EFL1: variants seen among roughly 807,000 people sequenced by gnomAD.
EFL1 encodes the protein elongation factor like GTPase 1.
Under a neutral mutation model 126.7 loss-of-function variants are expected in EFL1, and 76 were observed. That is an observed-to-expected ratio of 0.60 (90% confidence interval 0.50 to 0.73). The LOEUF (loss-of-function observed/expected upper bound fraction) is 0.73, where lower values mean the gene tolerates loss of function less well. Among genes scored for constraint, EFL1 ranks in the 30% least tolerant of loss-of-function variants. The pLI is 0.00. For synonymous variants in EFL1, 410 were observed against 448.4 expected (o/e 0.91, Z 1.08); for missense variants, 1,128 against 1,343.2 (o/e 0.84, Z 2.50).
chr15:82,139,065 A>G (rs1468759878), intron 18 of EFL1, among the ~76,000 whole-genome samples: 2 of 152,224 alleles, frequency 1.3e-5, no homozygotes, highest in Non-Finnish European at 2.9e-5. Flanking sequence ...AAATCACCCC[A>G]AACTACACTG....
intron 10 of EFL1, among the ~76,000 whole-genome samples, chr15:82,227,843 G>A (rs2074780701): frequency 6.6e-6 from 1 of 152,156 alleles, no homozygotes; most frequent in South Asian, 2.1e-4. Flanking sequence ...TTAGCAGGTT[G>A]GCTACAGGTG....
At chr15:82,131,282 A>C (rs1407153958) in intron 19 of EFL1, among the ~76,000 whole-genome samples, 4 of 152,066 alleles carry the variant, frequency 2.6e-5, no homozygotes, top group African/African-American at 4.8e-5. Context: ...CTACACTCTT[A>C]TTATTATTAC....
chr15:82,176,548 A>G (rs951530949), intron 15 of EFL1, among the ~76,000 whole-genome samples: 4 of 152,230 alleles, frequency 2.6e-5, no homozygotes, highest in African/African-American at 9.6e-5. Context: ...ACAAATCAGT[A>G]AACAACAATG....
chr15:82,249,413 G>A (rs1022484087), intron 4 of EFL1, among the ~76,000 whole-genome samples: 1 of 151,688 alleles, frequency 6.6e-6, no homozygotes, highest in African/African-American at 2.4e-5. Context: ...AGATGAATTA[G>A]ATAAAAACTT....
intron 16 of EFL1, 148 bp downstream of exon 16, chr15:82,163,703 GAT>G: frequency 1.1e-6 from 1 of 885,108 alleles, no homozygotes; most frequent in Non-Finnish European, 1.6e-6. Context: ...ACAGAAGTTA[GAT>G]GCCCTTTGAA....
intron 7 of EFL1, among the ~76,000 whole-genome samples, chr15:82,234,821 CA>C (rs1489807377): frequency 1.3e-5 from 2 of 152,230 alleles, no homozygotes; most frequent in Middle Eastern, 3.4e-3. Flanking sequence ...ATATCAAGCC[CA>C]CAACTAAAGT....
Position 82,261,894 on chromosome 15 carries a change from A to G in EFL1, c.-19-97T>C. 3.6e-6 allele frequency: 3 copies of G among 829,574 alleles called. No homozygotes were observed. In the East Asian group the frequency reaches 7.8e-5, roughly 22 times the overall value. 51.4% of individuals were successfully genotyped at this position (829,574 alleles called of 1,614,324 possible). On this transcript the variant is annotated intron_variant, in intron 1 of 19. Transcript: ENST00000268206. ...ACGCTGGGAGGTGGCAAGCTTCTCA[A>G]ACCCCTTAAACCAAGAACCCAGTGA...
intron 18 of EFL1, among the ~76,000 whole-genome samples, chr15:82,151,216 C>T (rs2073903016): frequency 6.6e-6 from 1 of 152,120 alleles, no homozygotes; most frequent in East Asian, 1.9e-4. Context: ...GAAACTCAGT[C>T]TCTACAAAAA....
At chr15:82,188,620 T>C (rs2074326230) in intron 15 of EFL1, among the ~76,000 whole-genome samples, 1 of 152,178 alleles carries the variant, frequency 6.6e-6, no homozygotes, top group Admixed American at 6.5e-5. Context: ...CTATCTACTT[T>C]CCAGGTCTTG....
At chr15:82,144,191 T>C (rs2073818337) in intron 18 of EFL1, among the ~76,000 whole-genome samples, 3 of 151,018 alleles carry the variant, frequency 2.0e-5, no homozygotes, top group Admixed American at 2.0e-4. Context: ...AGGTTGAGGC[T>C]GTGGCAGTGA....
chr15:82,164,129 T>G (rs1318399907), intron 15 of EFL1, 145 bp from the exon 16 acceptor site: 2 of 477,366 alleles, frequency 4.2e-6, no homozygotes, highest in Non-Finnish European at 5.9e-6. Context: ...ACCTGCACTG[T>G]TTTTTTTTTT....
At position 82,262,702 on chromosome 15, in the gene EFL1, G is replaced by T. The variant is rs1396388220; in HGVS notation, c.-108C>A. 1.4e-6 allele frequency: 1 copy of T among 691,638 alleles called. No individual in the cohort carries two copies. The highest frequency in any genetic ancestry group is 2.1e-5 in the South Asian group (1 of 48,750). The allele number at this position is 691,638 out of a possible 1,614,324, so 42.8% of individuals were successfully genotyped here. ...GAAAGTCCGAGAGCTCTGCGGGTCC[G>T]ACACGCCCGCGCGCCAGGGGGCGGG... On this transcript the variant is annotated 5_prime_UTR_variant, in exon 1 of 20. Transcript: ENST00000268206.
intron 8 of EFL1, among the ~76,000 whole-genome samples, chr15:82,230,611 A>C (rs2074811198): frequency 2.6e-5 from 4 of 152,150 alleles, no homozygotes; most frequent in Admixed American, 2.6e-4. Flanking sequence ...AAAAAAAGAA[A>C]AGAAAGAAAA....
intron 15 of EFL1, among the ~76,000 whole-genome samples, chr15:82,183,476 T>G (rs992581135): frequency 6.6e-6 from 1 of 152,164 alleles, no homozygotes; most frequent in Non-Finnish European, 1.5e-5. Flanking sequence ...TCAGAATTAA[T>G]AATCACTGGC....
chr15:82,221,944 C>T (rs182552306), intron 12 of EFL1, among the ~76,000 whole-genome samples: 5 of 152,336 alleles, frequency 3.3e-5, no homozygotes, highest in African/African-American at 7.2e-5. Context: ...TCCTTCTCTT[C>T]CCCAGGCTGA....
At chr15:82,228,050 C>G in intron 10 of EFL1, 141 bp downstream of exon 10, 1 of 1,060,880 alleles carries the variant, frequency 9.4e-7, no homozygotes, top group Non-Finnish European at 1.3e-6. Context: ...AATACAGTTT[C>G]ATGGTAGAAC....
chr15:82,170,961 G>A (rs1205481405), intron 15 of EFL1, among the ~76,000 whole-genome samples: 1 of 152,220 alleles, frequency 6.6e-6, no homozygotes, highest in Non-Finnish European at 1.5e-5. Flanking sequence ...AAAATGCTTA[G>A]TATAGTTGAA....
intron 17 of EFL1, among the ~76,000 whole-genome samples, chr15:82,155,743 T>A (rs1228344407): frequency 6.6e-6 from 1 of 152,236 alleles, no homozygotes; most frequent in Non-Finnish European, 1.5e-5. Context: ...CACCACTTGA[T>A]AATATCACTT....
chr15:82,203,962 G>C (rs1464709517), intron 15 of EFL1, among the ~76,000 whole-genome samples: 2 of 152,102 alleles, frequency 1.3e-5, no homozygotes, highest in Admixed American at 1.3e-4. Flanking sequence ...CCTAGAAGTG[G>C]GATTGCTACA....
Sources: gnomAD v4.1 joint callset for allele counts (sites outside exome capture counted in the v4.1 genomes callset) on GRCh38, gnomAD v4.1.1 for gene constraint, MANE v1.5 for transcripts, NCBI Gene and HGNC (gene_info 2026-07-23, HGNC 2026-07-21) for gene names.